Variants in HIVEP3 observed in about 807,000 individuals in gnomAD.
HIVEP3 encodes the protein HIVEP zinc finger 3, also known as transcription factor HIVEP3.
A neutral mutation model predicts 152.8 loss-of-function variants in HIVEP3; 49 were observed. That is an observed-to-expected ratio of 0.32 (90% CI 0.26 to 0.41). The LOEUF (loss-of-function observed/expected upper bound fraction) is 0.41. Among genes scored for constraint, HIVEP3 ranks in the 10% least tolerant of loss-of-function variants. HIVEP3 has a pLI of 1.00. For missense variants in HIVEP3, 2,790 were observed against 3,103.3 expected, an observed-to-expected ratio of 0.90 and a Z score of 2.40; for synonymous variants, 1,269 against 1,289.0, an observed-to-expected ratio of 0.98 and a Z score of 0.33.
At chr1:41,666,126 T>C (rs1294239230) in intron 2 of HIVEP3, among the ~76,000 whole-genome samples, 2 of 150,954 alleles carry the variant, frequency 1.3e-5, no homozygotes. Context: ...TGTGTGCGTG[T>C]GTGTGTGTGT....
At chr1:41,784,665 T>C (rs79841174) in intron 1 of HIVEP3, among the ~76,000 whole-genome samples, 372 of 152,320 alleles carry the variant, frequency 2.4e-3, no homozygotes, top group African/African-American at 8.7e-3. Flanking sequence ...ACACACCCCA[T>C]GGGACGGAGG....
At chr1:41,689,245 C>T (rs1324708233) in intron 2 of HIVEP3, among the ~76,000 whole-genome samples, 1 of 152,156 alleles carries the variant, frequency 6.6e-6, no homozygotes, top group Non-Finnish European at 1.5e-5. Context: ...CTGTTGTGAC[C>T]TCAACCCCCT....
chr1:41,939,018 C>T (rs1645033282), intron 1 of HIVEP3, among the ~76,000 whole-genome samples: 2 of 152,286 alleles, frequency 1.3e-5, no homozygotes, highest in Non-Finnish European at 1.5e-5. Flanking sequence ...ACCCTGCTTG[C>T]TTACCTCAGC....
At chr1:41,647,205 G>A (rs1645474024) in intron 2 of HIVEP3, among the ~76,000 whole-genome samples, 1 of 152,118 alleles carries the variant, frequency 6.6e-6, no homozygotes, top group African/African-American at 2.4e-5. Flanking sequence ...CATAGACTTC[G>A]AGAATTAGGA....
intron 5 of HIVEP3, among the ~76,000 whole-genome samples, chr1:41,526,360 ACACT>A (rs375590243): frequency 1.1e-3 from 146 of 131,982 alleles, no homozygotes; most frequent in African/African-American, 3.5e-3. Context: ...ACTCACCCTC[ACACT>A]CACCCTCACA....
chr1:41,937,265 C>T (rs912825341), intron 1 of HIVEP3, among the ~76,000 whole-genome samples: 12 of 152,150 alleles, frequency 7.9e-5, no homozygotes, highest in Non-Finnish European at 1.5e-5. Flanking sequence ...TACCCCTCTC[C>T]TGCAGTCCTG....
intron 1 of HIVEP3, among the ~76,000 whole-genome samples, chr1:41,906,847 T>TTC (rs556072926): frequency 0.047 from 6,930 of 146,416 alleles, 199 homozygotes; most frequent in South Asian, 0.074. Flanking sequence ...TTTTTTTTTT[T>TTC]TCTCTCTCTC....
At chr1:41,630,003 T>C (rs1645171350) in intron 2 of HIVEP3, among the ~76,000 whole-genome samples, 1 of 152,114 alleles carries the variant, frequency 6.6e-6, no homozygotes. Flanking sequence ...CTATTCACAA[T>C]AGCAAAGACA....
At chr1:41,693,811 G>C (rs1164144324) in intron 2 of HIVEP3, among the ~76,000 whole-genome samples, 1 of 151,916 alleles carries the variant, frequency 6.6e-6, no homozygotes, top group African/African-American at 2.4e-5. Context: ...TTTGGTGTAG[G>C]AACTGAGGTA....
intron 1 of HIVEP3, among the ~76,000 whole-genome samples, chr1:42,034,891 G>A (rs78966416): frequency 1.1e-3 from 162 of 152,224 alleles, no homozygotes; most frequent in African/African-American, 3.6e-3. Flanking sequence ...GGGAGGCAGA[G>A]AAAGCCGTGC....
At position 41,509,350 on chromosome 1, in the gene HIVEP3, C is replaced by T. The variant is rs1299436226; in HGVS notation, c.*1101G>A. ...GGAAACGGTCCTGTGGCAAAGTGGT[C>T]CTGAAACAGTTCCCCGCAAACCTCT... On this transcript the variant is annotated 3_prime_UTR_variant, in exon 9 of 9. Transcript: ENST00000372583. The T allele has an allele frequency of 2.0e-5, 3 of 152,130 alleles. No homozygotes were observed. 9.4% of individuals were successfully genotyped at this position (152,130 alleles called of 1,614,324 possible).
At chr1:41,968,031 A>G (rs529090943) in intron 1 of HIVEP3, among the ~76,000 whole-genome samples, 1 of 152,304 alleles carries the variant, frequency 6.6e-6, no homozygotes, top group Admixed American at 6.5e-5. Context: ...ACCAATAATT[A>G]ATTCTGAAAT....
intron 1 of HIVEP3, among the ~76,000 whole-genome samples, chr1:41,780,520 G>A (rs570049152): frequency 6.6e-6 from 1 of 152,080 alleles, no homozygotes; most frequent in South Asian, 2.1e-4. Context: ...CTGTCTTAAA[G>A]TGGCCATGGT....
chr1:41,945,187 CCT>C (rs996753788), intron 1 of HIVEP3, among the ~76,000 whole-genome samples: 2 of 152,268 alleles, frequency 1.3e-5, no homozygotes, highest in African/African-American at 4.8e-5. Context: ...TCAGCATCCC[CCT>C]GACTCCTTCC....
chr1:41,648,500 A>C (rs1395458093), intron 2 of HIVEP3, among the ~76,000 whole-genome samples: 1 of 152,208 alleles, frequency 6.6e-6, no homozygotes, highest in Non-Finnish European at 1.5e-5. Context: ...TAGGGGGGCC[A>C]GGGGAGGAGA....
intron 2 of HIVEP3, among the ~76,000 whole-genome samples, chr1:41,683,767 C>T (rs1276773866): frequency 1.3e-5 from 2 of 152,142 alleles, no homozygotes; most frequent in East Asian, 3.9e-4. Flanking sequence ...AGCAGCCTGG[C>T]AGAGGATAGA....
intron 2 of HIVEP3, among the ~76,000 whole-genome samples, chr1:41,675,790 T>C (rs1418668973): frequency 6.6e-6 from 1 of 152,162 alleles, no homozygotes. Flanking sequence ...CAGCCCTCAA[T>C]ATGGGTGTAG....
chr1:41,811,081 G>C (rs567534459), intron 1 of HIVEP3, among the ~76,000 whole-genome samples: 2 of 148,982 alleles, frequency 1.3e-5, no homozygotes, highest in African/African-American at 2.5e-5. Context: ...ATTGGCCTGA[G>C]TCCTCCAATG....
chr1:41,835,502 A>T (rs1643095220), intron 1 of HIVEP3, among the ~76,000 whole-genome samples: 3 of 152,200 alleles, frequency 2.0e-5, no homozygotes, highest in Non-Finnish European at 4.4e-5. Context: ...TTCCAAGTAC[A>T]CTCACACTGG....
Sources: allele counts gnomAD v4.1 joint callset (sites outside exome capture counted in the v4.1 genomes callset), GRCh38; gene constraint gnomAD v4.1.1; transcripts MANE v1.5; gene names NCBI Gene and HGNC (gene_info 2026-07-23, HGNC 2026-07-21).